The following CTNNA2 variants were observed in gnomAD, a reference collection of about 807,000 sequenced individuals.
The protein encoded by CTNNA2 is catenin alpha-2.
In CTNNA2, 42 loss-of-function variants were observed where a neutral mutation model predicts 101.0. That is an observed-to-expected ratio of 0.42 (90% CI 0.32 to 0.54). The LOEUF (loss-of-function observed/expected upper bound fraction) is 0.54. CTNNA2 is among the 20% of genes least tolerant of loss of function. The pLI is 0.14. For synonymous variants in CTNNA2, 450 were observed against 456.4 expected (o/e 0.99, Z 0.18); for missense variants, 871 against 1,223.1 (o/e 0.71, Z 4.29).
intron 1 of CTNNA2, among the ~76,000 whole-genome samples, chr2:79,526,692 T>G (rs1219327662): frequency 3.3e-5 from 5 of 152,086 alleles, no homozygotes; most frequent in Non-Finnish European, 5.9e-5. Context: ...TTAATTGATT[T>G]TTCAACAAGG....
intron 9 of CTNNA2, among the ~76,000 whole-genome samples, chr2:80,530,573 T>C (rs142175460): frequency 1.5e-3 from 221 of 152,302 alleles, no homozygotes; most frequent in African/African-American, 4.8e-3. Flanking sequence ...TAAGTGGTAT[T>C]AAGCAGAGGA....
chr2:79,720,659 G>A (rs1686420458), intron 2 of CTNNA2, among the ~76,000 whole-genome samples: 1 of 151,936 alleles, frequency 6.6e-6, no homozygotes. Context: ...TTTGTAAATA[G>A]CAGTGTGTTC....
chr2:80,457,331 T>G (rs1407938442), intron 9 of CTNNA2, among the ~76,000 whole-genome samples: 1 of 152,106 alleles, frequency 6.6e-6, no homozygotes, highest in Non-Finnish European at 1.5e-5. Flanking sequence ...CCCAAACTGC[T>G]GAGATTACAG....
intron 2 of CTNNA2, among the ~76,000 whole-genome samples, chr2:79,740,923 C>T (rs1017894850): frequency 2.6e-5 from 4 of 151,724 alleles, no homozygotes; most frequent in African/African-American, 9.7e-5. Flanking sequence ...TATGAACTTT[C>T]AGAATTTTAG....
chr2:80,645,092 A>G (rs1255952108), intron 18 of CTNNA2, among the ~76,000 whole-genome samples: 1 of 152,130 alleles, frequency 6.6e-6, no homozygotes, highest in Non-Finnish European at 1.5e-5. Flanking sequence ...ATCTTGTTCT[A>G]TTTCTACTAA....
chr2:79,769,714 G>A (rs976739197), intron 3 of CTNNA2, among the ~76,000 whole-genome samples: 55 of 152,064 alleles, frequency 3.6e-4, no homozygotes, highest in African/African-American at 1.3e-3. Context: ...TTGAGGAAGC[G>A]TTTACAGAAA....
intron 2 of CTNNA2, among the ~76,000 whole-genome samples, chr2:79,679,569 A>T (rs987285535): frequency 2.0e-5 from 3 of 150,912 alleles, no homozygotes; most frequent in African/African-American, 7.3e-5. Context: ...CCCATGCTGG[A>T]GCCCCTTTCC....
At chr2:79,326,970 G>A (rs902321996) in intron 3 of CTNNA2, among the ~76,000 whole-genome samples, 2 of 152,082 alleles carry the variant, frequency 1.3e-5, no homozygotes, top group Non-Finnish European at 2.9e-5. Context: ...CTCCCATCTG[G>A]CTCAAGAAGA....
At chr2:79,187,383 A>C (rs1673795453) in intron 1 of CTNNA2, among the ~76,000 whole-genome samples, 1 of 150,516 alleles carries the variant, frequency 6.6e-6, no homozygotes, top group African/African-American at 2.4e-5. Context: ...AATTCAGTGC[A>C]GTGGCGCAAT....
intron 7 of CTNNA2, among the ~76,000 whole-genome samples, chr2:80,189,150 C>T (rs957696086): frequency 6.6e-6 from 1 of 152,000 alleles, no homozygotes; most frequent in African/African-American, 2.4e-5. Context: ...GACGAGGTTT[C>T]ACCATGTTGG....
rs185770596 is a variant in CTNNA2, at chr2:79,586,990, G to A, written c.-5-64562G>A. Among the ~76,000 whole-genome samples the A allele has an allele frequency of 3.5e-3, 526 of 152,198 alleles. 2 individuals are homozygous for A. Among genetic ancestry groups the A allele is most frequent in the African/African-American group, 0.012 (506 of 41,518 alleles). On this transcript the variant is annotated intron_variant, in intron 1 of 18. Coordinates refer to ENST00000402739, the MANE Select transcript of CTNNA2 (RefSeq NM_001282597.3). ...CAACTCTATCTGAGTTGCTGCAAAG[G>A]CCATTGTTTCATTCCATTTTACGGC...
intron 2 of CTNNA2, among the ~76,000 whole-genome samples, chr2:79,688,838 A>G (rs1684106117): frequency 6.6e-6 from 1 of 152,090 alleles, no homozygotes; most frequent in Non-Finnish European, 1.5e-5. Flanking sequence ...CGCTTGCTGC[A>G]TACAAATTAT....
At chr2:80,545,099 A>G in intron 10 of CTNNA2, 25 bp downstream of exon 10, 4 of 1,610,456 alleles carry the variant, frequency 2.5e-6, no homozygotes, top group Non-Finnish European at 3.4e-6. Context: ...CTTTGTTTCA[A>G]AAGCCTGTCA....
intron 6 of CTNNA2, among the ~76,000 whole-genome samples, chr2:79,890,793 T>A (rs1684244750): frequency 6.9e-6 from 1 of 145,458 alleles, no homozygotes; most frequent in Admixed American, 7.3e-5. Flanking sequence ...TTATTGCTCA[T>A]GGTTTTGGAG....
chr2:79,793,204 A>C (rs1675421276), intron 3 of CTNNA2, among the ~76,000 whole-genome samples: 1 of 152,246 alleles, frequency 6.6e-6, no homozygotes, highest in South Asian at 2.1e-4. Context: ...TTGCAGTGCC[A>C]GCAAGCTAAC....
intron 7 of CTNNA2, among the ~76,000 whole-genome samples, chr2:80,127,620 C>T (rs554512058): frequency 6.6e-4 from 100 of 152,272 alleles, no homozygotes; most frequent in Non-Finnish European, 1.2e-3. Flanking sequence ...CTTCTTCCTG[C>T]CCCTGAAGAA....
At chr2:80,200,364 T>C (rs1181813587) in intron 7 of CTNNA2, among the ~76,000 whole-genome samples, 1 of 152,144 alleles carries the variant, frequency 6.6e-6, no homozygotes, top group African/African-American at 2.4e-5. Flanking sequence ...GCTCTTTAAT[T>C]TCTAAATCAG....
At chr2:80,103,398 G>A (rs898950718) in intron 7 of CTNNA2, among the ~76,000 whole-genome samples, 2 of 152,018 alleles carry the variant, frequency 1.3e-5, no homozygotes, top group African/African-American at 4.8e-5. Flanking sequence ...CTAAGTTAAG[G>A]CCCCACCCTA....
intron 3 of CTNNA2, among the ~76,000 whole-genome samples, chr2:79,755,767 ATTAG>A (rs1344998688): frequency 1.3e-5 from 2 of 152,210 alleles, no homozygotes; most frequent in Admixed American, 6.5e-5. Context: ...CATCATTTTA[ATTAG>A]TTAGGTCTCT....
Sources: gnomAD v4.1 joint callset for allele counts (sites outside exome capture counted in the v4.1 genomes callset) on GRCh38, gnomAD v4.1.1 for gene constraint, MANE v1.5 for transcripts, NCBI Gene and HGNC (gene_info 2026-07-23, HGNC 2026-07-21) for gene names.